LRRC71: variants seen among roughly 807,000 people sequenced by gnomAD.
LRRC71 encodes the protein leucine-rich repeat-containing protein 71.
In LRRC71, 54 loss-of-function variants were observed where a neutral mutation model predicts 66.6. The ratio of observed to expected loss-of-function variants is 0.81; its 90% CI spans 0.65 to 1.02. The LOEUF is 1.02. LRRC71 is among the 50% of genes least tolerant of loss of function. The pLI is 0.00. For synonymous variants in LRRC71, 323 were observed against 303.9 expected, an observed-to-expected ratio of 1.06 and a Z score of -0.65; for missense variants, 724 against 718.0, an observed-to-expected ratio of 1.01 and a Z score of -0.10.
At chr1:156,936,495 AAAAT>A (rs1282827069), downstream of LRRC71, among the ~76,000 whole-genome samples, 935 of 57,012 alleles carry the variant, frequency 0.016, 6 homozygotes, top group Non-Finnish European at 0.021. Context: ...AAAAAAAAAA[AAAAT>A]ATATATATAT....
chr1:156,931,960 T>C lies in LRRC71; in HGVS notation c.1374T>C (p.Pro458=). 3 of 1,600,206 alleles carry C rather than the reference T, an allele frequency of 1.9e-6. No homozygotes were observed. Among genetic ancestry groups the C allele is most frequent in the Non-Finnish European group, 2.6e-6 (3 of 1,173,234 alleles). The change falls in exon 13 of 15, where the codon CCT becomes CCC. Residue 458 remains proline, a synonymous_variant. Transcript: ENST00000337428. ...AGGTGGTCAACCCTCTCCTGGAGCC[T>C]GTGGAGCACCGAGATGGGAAAGTTT... ...ATEVVNPLLE[P]VEHRDGKVFM...
intron 13 of LRRC71, 45 bp downstream of exon 13, chr1:156,932,072 G>C (rs772760463): frequency 6.7e-7 from 1 of 1,490,728 alleles, no homozygotes; most frequent in South Asian, 1.2e-5. Context: ...GAGGCTACCC[G>C]GGCCCTGTCC....
At chr1:156,922,130 A>G (rs187981806) in intron 1 of LRRC71, among the ~76,000 whole-genome samples, 130 of 152,000 alleles carry the variant, frequency 8.6e-4, no homozygotes, top group African/African-American at 3.1e-3. Context: ...AGTGCCTGAG[A>G]GGTTAGGGGT....
At chr1:156,937,337 C>A (rs760020068), downstream of LRRC71, 1 of 1,613,618 alleles carries the variant, frequency 6.2e-7, no homozygotes, top group Non-Finnish European at 8.5e-7. Flanking sequence ...AGGAGAGCGG[C>A]TGGGGCGTCT....
Position 156,923,786 on chromosome 1 carries a change from C to A in LRRC71, c.161-163C>A, listed in dbSNP as rs531780474. Among the ~76,000 whole-genome samples, 220 of 152,344 alleles carry A rather than the reference C, an allele frequency of 1.4e-3. 1 individual carries two copies. Among genetic ancestry groups the A allele is most frequent in the Non-Finnish European group, 2.6e-3 (175 of 68,028 alleles). The stretch of plus-strand genomic sequence containing the variant: ...CCTTTCTCCGAGCTCTTGCTTTCCC[C>A]GTTTCCTATCAAGTGTTTTCAGCGT... On this transcript the variant is annotated intron_variant, in intron 1 of 14. Transcript: ENST00000337428.
chr1:156,931,572 C>T (rs1654371430), intron 12 of LRRC71, among the ~76,000 whole-genome samples: 1 of 152,196 alleles, frequency 6.6e-6, no homozygotes, highest in Non-Finnish European at 1.5e-5. Context: ...AGAGCCTTTG[C>T]ACCTGCTTTC....
chr1:156,940,139 G>A, the LRRC71 span: 372 of 1,491,712 alleles, frequency 2.5e-4, no homozygotes, highest in Non-Finnish European at 3.0e-4. Flanking sequence ...GGGTGCAGGC[G>A]CCTGCCAGTT....
At chr1:156,921,002 C>T in intron 1 of LRRC71, 39 bp downstream of exon 1, 1 of 1,463,848 alleles carries the variant, frequency 6.8e-7, no homozygotes, top group Non-Finnish European at 9.1e-7. Flanking sequence ...GGCTTCCAGG[C>T]TGCGTCTTCC....
chr1:156,931,664 G>A (rs1040412051), intron 12 of LRRC71, among the ~76,000 whole-genome samples: 4 of 151,590 alleles, frequency 2.6e-5, no homozygotes, highest in Non-Finnish European at 5.9e-5. Context: ...GGCCTTTTCC[G>A]TGCTCCCACA....
At chr1:156,932,391 G>A in intron 13 of LRRC71, 33 bp from the exon 14 acceptor site, 1 of 1,580,956 alleles carries the variant, frequency 6.3e-7, no homozygotes, top group Non-Finnish European at 8.7e-7. Context: ...GGCCTGTGGT[G>A]CTAAGAGGCC....
At chr1:156,929,498 G>T (rs186255976) in intron 10 of LRRC71, 69 bp downstream of exon 10, 22 of 1,597,954 alleles carry the variant, frequency 1.4e-5, no homozygotes, top group Non-Finnish European at 1.8e-5. Flanking sequence ...CATGTACAGA[G>T]GTGGTGGAGG....
intron 5 of LRRC71, among the ~76,000 whole-genome samples, 166 bp downstream of exon 5, chr1:156,925,181 T>G (rs1476147857): frequency 6.6e-6 from 1 of 152,074 alleles, no homozygotes; most frequent in African/African-American, 2.4e-5. Flanking sequence ...ATACCTCCAT[T>G]AGACAAGAAG....
chr1:156,935,403 T>G (rs1654872138), downstream of LRRC71: 1 of 152,214 alleles, frequency 6.6e-6, no homozygotes, highest in South Asian at 2.1e-4. Flanking sequence ...ACTGGGTTGT[T>G]AACTAAGGAG....
At position 156,927,721 on chromosome 1, in the gene LRRC71, C is replaced by T. The variant is rs1240248573; in HGVS notation, c.823-12C>T. 1.2e-6 allele frequency: 2 copies of T among 1,607,690 alleles called. No homozygotes were observed. ...GGCTTGGGCGGCTCACGCGTCCCTG[C>T]CCGCCTCTTAGGGCCTCCGGCTGAA... On this transcript the variant is annotated splice_polypyrimidine_tract_variant and intron_variant, in intron 7 of 14. Transcript: ENST00000337428.
chr1:156,928,460 CCTT>C (rs1478426624), intron 9 of LRRC71, among the ~76,000 whole-genome samples: 25 of 111,372 alleles, frequency 2.2e-4, no homozygotes, highest in Admixed American at 5.0e-4. Context: ...CTCTTCTTCT[CCTT>C]CTTCTCTTCT....
intron 1 of LRRC71, among the ~76,000 whole-genome samples, chr1:156,921,956 G>T (rs776753704): frequency 6.6e-6 from 1 of 152,128 alleles, no homozygotes; most frequent in African/African-American, 2.4e-5. Flanking sequence ...GACTGGACAG[G>T]GTAGGGAGTG....
rs147743960 is a variant in LRRC71 at position 156,927,696 on chromosome 1, G to T, written c.823-37G>T. 104 of 1,605,988 alleles carry T rather than the reference G, an allele frequency of 6.5e-5. No individual in the cohort carries two copies. In the Middle Eastern group the frequency reaches 9.9e-4, roughly 15 times the overall value. On this transcript the variant is annotated intron_variant, in intron 7 of 14. Coordinates refer to ENST00000337428, the MANE Select transcript of LRRC71 (RefSeq NM_144702.3). ...GGAGGGACCTGCTGGGAGCAGGGGC[G>T]GCTTGGGCGGCTCACGCGTCCCTGC...
At chr1:156,938,418 C>T in the LRRC71 span, 1 of 1,613,382 alleles carries the variant, frequency 6.2e-7, no homozygotes, top group Non-Finnish European at 8.5e-7. Context: ...AAGTTATTAC[C>T]CGTAGCCTTT....
Position 156,930,617 on chromosome 1 carries a change from G to C in LRRC71, c.1329G>C (p.Glu443Asp), listed in dbSNP as rs778879706. The change falls in exon 12 of 15, where the codon GAG (glutamate) becomes GAC (aspartate). Residue 443 changes from glutamate (E) to aspartate (D), a missense_variant and splice_region_variant. By Grantham distance (45) the Glu-to-Asp change is conservative. Transcript: ENST00000337428. ...AGCGCAGCATCCTCCTGGAGTCCGAGGTAAGTTGCCAGGAGGAGTGGAGGC... is the reference window on the plus strand; with the variant it reads ...AGCGCAGCATCCTCCTGGAGTCCGACGTAAGTTGCCAGGAGGAGTGGAGGC... Reference protein sequence around the residue: ...REKRSILLESELVVEATEVVN... With the variant: ...REKRSILLESDLVVEATEVVN... 1 of 1,559,228 alleles carries C rather than the reference G, an allele frequency of 6.4e-7. No individual in the cohort carries two copies. The highest frequency in any genetic ancestry group is 2.4e-5 in the East Asian group (1 of 41,438).
Sources: allele counts gnomAD v4.1 joint callset (sites outside exome capture counted in the v4.1 genomes callset), GRCh38; gene constraint gnomAD v4.1.1; transcripts MANE v1.5; gene names NCBI Gene and HGNC (gene_info 2026-07-23, HGNC 2026-07-21).